The following A1CF variants were observed in gnomAD, a reference collection of about 807,000 sequenced individuals.
A1CF encodes APOBEC-1 stimulating protein.
In A1CF, 48 loss-of-function variants were observed where a neutral mutation model predicts 68.9. That is an observed-to-expected ratio of 0.70 (90% CI 0.55 to 0.89). The LOEUF (loss-of-function observed/expected upper bound fraction) is 0.89. A1CF is among the 40% of genes least tolerant of loss of function. The pLI is 0.00. For missense variants in A1CF, 653 were observed against 718.9 expected, an observed-to-expected ratio of 0.91 and a Z score of 1.05; for synonymous variants, 272 against 260.4, an observed-to-expected ratio of 1.04 and a Z score of -0.43.
intron 3 of A1CF, among the ~76,000 whole-genome samples, chr10:50,856,351 A>G (rs1404935051): frequency 6.6e-6 from 1 of 152,046 alleles, no homozygotes; most frequent in African/African-American, 2.4e-5. Flanking sequence ...TTCATTCAAA[A>G]TGATTGAGTT....
chr10:50,820,797 A>G lies in A1CF; in HGVS notation c.770-148T>C, dbSNP rs16909561. 5,017 of 539,826 alleles carry G rather than the reference A, an allele frequency of 9.3e-3. 211 individuals carry two copies. Among genetic ancestry groups the G allele is most frequent in the African/African-American group, 0.085 (4,376 of 51,364 alleles). The allele number at this position is 539,826 out of a possible 1,614,324, so 33.4% of individuals were successfully genotyped here. ...GGATCTCATCAAGAACATTCAACAG[A>G]AGATTTTTTTTGCAGTTTTTAAAAT... On this transcript the variant is annotated intron_variant, in intron 7 of 12. Transcript: ENST00000373997.
chr10:50,810,446 G>C (rs1204314718), intron 11 of A1CF, among the ~76,000 whole-genome samples: 1 of 152,168 alleles, frequency 6.6e-6, no homozygotes, highest in South Asian at 2.1e-4. Context: ...AGTTTCATAT[G>C]CTTCAACCTA....
At chr10:50,842,156 A>G (rs1197792368) in intron 4 of A1CF, among the ~76,000 whole-genome samples, 164 bp from the exon 5 acceptor site, 1 of 152,246 alleles carries the variant, frequency 6.6e-6, no homozygotes, top group Non-Finnish European at 1.5e-5. Flanking sequence ...AATGGTTTGC[A>G]TATTTTCATG....
chr10:50,842,731 A>G (rs1251619883), intron 4 of A1CF, among the ~76,000 whole-genome samples: 2 of 152,218 alleles, frequency 1.3e-5, no homozygotes, highest in African/African-American at 4.8e-5. Context: ...AAATCCAAGA[A>G]TGCTCATTCG....
rs559886617 is a variant in A1CF at position 50,859,920 on chromosome 10, G to A, written c.21C>T (p.Ser7=). ...TCTGAGTGCCGCTCAATCCATCCCC[G>A]GATTTGTGATTTGATTCCATTGAGA... MESNHK[S]GDGLSGTQKE... The change falls in exon 3 of 13, where the codon TCC becomes TCT. Residue 7 remains serine, a synonymous_variant. Coordinates refer to ENST00000373997, the MANE Select transcript of A1CF (RefSeq NM_014576.4). 18 of 1,613,808 alleles carry A rather than the reference G, an allele frequency of 1.1e-5. No homozygotes were observed. The highest frequency in any genetic ancestry group is 1.1e-4 in the East Asian group (5 of 44,850).
rs2132527739 is a variant in A1CF, at chr10:50,859,981, G to T, written c.-41C>A. ...GCAAAAAATCAGGTTAATTAGGGTT[G>T]CTCACTGAAACCAAATTTAAGATAA... On this transcript the variant is annotated 5_prime_UTR_variant, in exon 3 of 13. Coordinates refer to ENST00000373997, the MANE Select transcript of A1CF (RefSeq NM_014576.4). The T allele has an allele frequency of 1.3e-6, 2 of 1,550,492 alleles. No individual in the cohort carries two copies. Among genetic ancestry groups the T allele is most frequent in the Admixed American group, 1.7e-5 (1 of 59,236 alleles).
intron 3 of A1CF, among the ~76,000 whole-genome samples, chr10:50,849,203 G>T (rs1409306048): frequency 5.3e-5 from 8 of 152,150 alleles, no homozygotes; most frequent in Non-Finnish European, 1.2e-4. Flanking sequence ...ACACAGTGCT[G>T]CAGGGAATAT....
At chr10:50,814,124 T>G in intron 9 of A1CF, 86 bp from the exon 10 acceptor site, 1 of 1,507,518 alleles carries the variant, frequency 6.6e-7, no homozygotes, top group Non-Finnish European at 9.1e-7. Context: ...TGAATCTTAC[T>G]GTAATGGAAA....
Position 50,836,275 on chromosome 10 carries a change from T to G in A1CF, c.403A>C (p.Asn135His). 6.2e-7 allele frequency: 1 copy of G among 1,613,960 alleles called. No individual in the cohort carries two copies. Among genetic ancestry groups the G allele is most frequent in the Non-Finnish European group, 8.5e-7 (1 of 1,179,878 alleles). ...ATGCCCCCAACAAATAATCGGCAGT[T>G]GTCCACACTGGCACAAACCCCTAAG... Reference protein sequence around the residue: ...RLLGVCASVDNCRLFVGGIPK... With the variant: ...RLLGVCASVDHCRLFVGGIPK... The change falls in exon 6 of 13, where the codon AAC becomes CAC. Residue 135 changes from asparagine (N) to histidine (H), a missense_variant. By Grantham distance (68) the Asn-to-His change is moderately conservative. Transcript: ENST00000373997.
chr10:50,862,411 G>A (rs1314824727), intron 2 of A1CF, among the ~76,000 whole-genome samples: 1 of 151,802 alleles, frequency 6.6e-6, no homozygotes, highest in African/African-American at 2.4e-5. Flanking sequence ...GAACATCAAA[G>A]GAAAAAATGA....
intron 11 of A1CF, among the ~76,000 whole-genome samples, chr10:50,810,812 C>A (rs769975143): frequency 3.3e-5 from 5 of 152,182 alleles, no homozygotes; most frequent in Non-Finnish European, 7.4e-5. Context: ...TGACTGTTAT[C>A]CACTGGCTGG....
intron 1 of A1CF, among the ~76,000 whole-genome samples, chr10:50,868,569 C>T (rs1223238264): frequency 6.6e-6 from 1 of 152,080 alleles, no homozygotes; most frequent in Non-Finnish European, 1.5e-5. Context: ...CTAACCAGAA[C>T]CTCCTCTATG....
intron 8 of A1CF, among the ~76,000 whole-genome samples, chr10:50,820,166 C>T (rs1838580406): frequency 6.6e-6 from 1 of 152,174 alleles, no homozygotes; most frequent in South Asian, 2.1e-4. Flanking sequence ...GGCAGAATAA[C>T]AGCTATCTTG....
chr10:50,808,137 A>G (rs575562506), intron 12 of A1CF, among the ~76,000 whole-genome samples: 16 of 152,096 alleles, frequency 1.1e-4, no homozygotes, highest in Non-Finnish European at 2.4e-4. Flanking sequence ...CACAGATTTT[A>G]CCTTTAGGGA....
At chr10:50,808,500 C>T (rs1273378812) in intron 12 of A1CF, among the ~76,000 whole-genome samples, 1 of 152,194 alleles carries the variant, frequency 6.6e-6, no homozygotes, top group African/African-American at 2.4e-5. Flanking sequence ...TCAACTTTCT[C>T]TAGGAACTGA....
At chr10:50,883,232 AG>A (rs1841863307) in intron 1 of A1CF, among the ~76,000 whole-genome samples, 1 of 152,158 alleles carries the variant, frequency 6.6e-6, no homozygotes, top group Non-Finnish European at 1.5e-5. Context: ...TGAAAAGGGA[AG>A]TGGGGTTTTT....
At chr10:50,873,781 AAGTAG>A (rs1268849990) in intron 1 of A1CF, among the ~76,000 whole-genome samples, 9 of 152,098 alleles carry the variant, frequency 5.9e-5, no homozygotes, top group Non-Finnish European at 8.8e-5. Context: ...TCTAAGTCCT[AAGTAG>A]AGTAAATTAA....
intron 3 of A1CF, among the ~76,000 whole-genome samples, chr10:50,845,676 T>A (rs1393111210): frequency 6.6e-6 from 1 of 152,152 alleles, no homozygotes; most frequent in East Asian, 1.9e-4. Flanking sequence ...CTTATTGGTC[T>A]GGCATGGTGG....
At chr10:50,842,078 C>T (rs1839809545) in intron 4 of A1CF, 86 bp from the exon 5 acceptor site, 1 of 1,185,072 alleles carries the variant, frequency 8.4e-7, no homozygotes, top group Non-Finnish European at 1.2e-6. Context: ...CACACAAACA[C>T]ACACACACAC....
Sources: allele counts gnomAD v4.1 joint callset (sites outside exome capture counted in the v4.1 genomes callset), GRCh38; gene constraint gnomAD v4.1.1; transcripts MANE v1.5; gene names NCBI Gene and HGNC (gene_info 2026-07-23, HGNC 2026-07-21).